MAP2: variants seen among roughly 807,000 people sequenced by gnomAD.
MAP2 encodes microtubule-associated protein 2.
Under a neutral mutation model 137.6 loss-of-function variants are expected in MAP2, and 14 were observed. The ratio of observed to expected loss-of-function variants is 0.10; its 90% CI spans 0.07 to 0.16. MAP2 has a LOEUF of 0.16. Ranked by LOEUF, MAP2 falls within the 10% of genes least tolerant of loss-of-function variation. The pLI, the probability that MAP2 is intolerant of heterozygous loss-of-function variation, is 1.00. For synonymous variants in MAP2, 786 were observed against 782.3 expected (o/e 1.00, Z -0.08); for missense variants, 2,088 against 2,191.5 (o/e 0.95, Z 0.94).
chr2:209,608,395 C>G (rs2085550291), intron 3 of MAP2, among the ~76,000 whole-genome samples: 1 of 152,070 alleles, frequency 6.6e-6, no homozygotes, highest in Non-Finnish European at 1.5e-5. Flanking sequence ...CTCAAGTATC[C>G]TCCCACCTCA....
chr2:209,581,306 G>A (rs2076361330), intron 3 of MAP2, among the ~76,000 whole-genome samples: 1 of 152,312 alleles, frequency 6.6e-6, no homozygotes, highest in African/African-American at 2.4e-5. Flanking sequence ...CTTCTAGAGT[G>A]TAGGCAGCAT....
At chr2:209,504,155 A>C (rs1228806978) in intron 1 of MAP2, among the ~76,000 whole-genome samples, 1 of 151,900 alleles carries the variant, frequency 6.6e-6, no homozygotes, top group Non-Finnish European at 1.5e-5. Flanking sequence ...TGGGGCTTCC[A>C]GTTGTGGGGA....
intron 1 of MAP2, among the ~76,000 whole-genome samples, chr2:209,425,490 A>C (rs1692310975): frequency 6.6e-6 from 1 of 152,242 alleles, no homozygotes; most frequent in Admixed American, 6.5e-5. Flanking sequence ...AAAACAAAAA[A>C]ATATTGTTGG....
chr2:209,698,282 A>G (rs946241025), intron 10 of MAP2, among the ~76,000 whole-genome samples: 5 of 152,200 alleles, frequency 3.3e-5, no homozygotes, highest in Non-Finnish European at 7.3e-5. Flanking sequence ...ACTTTTTTCT[A>G]AATTTCAGGG....
intron 1 of MAP2, among the ~76,000 whole-genome samples, chr2:209,477,482 A>G (rs750867122): frequency 6.6e-6 from 1 of 152,158 alleles, no homozygotes; most frequent in Non-Finnish European, 1.5e-5. Flanking sequence ...TGAAAGGTTC[A>G]TGCTATTCCT....
intron 5 of MAP2, among the ~76,000 whole-genome samples, chr2:209,678,090 C>T (rs1053487820): frequency 2.6e-5 from 4 of 151,536 alleles, no homozygotes; most frequent in African/African-American, 9.7e-5. Flanking sequence ...CAAAATGAAC[C>T]CTCTCTTCTA....
chr2:209,499,750 C>G (rs2060164025), intron 1 of MAP2, among the ~76,000 whole-genome samples: 1 of 151,934 alleles, frequency 6.6e-6, no homozygotes, highest in African/African-American at 2.4e-5. Context: ...AAAGCAGGAG[C>G]AAGCCAGAAA....
intron 2 of MAP2, among the ~76,000 whole-genome samples, chr2:209,527,358 T>C (rs1269135123): frequency 1.3e-5 from 2 of 152,152 alleles, no homozygotes; most frequent in African/African-American, 4.8e-5. Flanking sequence ...CACTGATGAG[T>C]CCCTAACATC....
chr2:209,709,944 G>A lies in MAP2; in HGVS notation c.4763G>A (p.Ser1588Asn). ...GAGCCAATTCGCAGAGCAGGGAAGA[G>A]TGGTACCTCAACACCCACTACCCCT... is the stretch of plus-strand genomic sequence containing the variant. ...RSEPIRRAGK[S>N]GTSTPTTPGS... The change falls in exon 13 of 16, where the codon AGT becomes AAT. Residue 1588 changes from serine to asparagine, a missense_variant. By Grantham distance (46) the Ser-to-Asn change is conservative (BLOSUM62 1). This residue lies in a region of MAP2 where 591 missense variants were observed against 642.6 expected (regional missense o/e 0.92). Coordinates refer to ENST00000682079, the MANE Select transcript of MAP2 (RefSeq NM_001375505.1). 1.2e-6 allele frequency: 2 copies of A among 1,613,838 alleles called. No individual in the cohort carries two copies. The highest frequency in any genetic ancestry group is 1.7e-6 in the Non-Finnish European group (2 of 1,179,916).
chr2:209,580,008 A>G (rs2076050662), intron 2 of MAP2, 28 bp from the exon 3 acceptor site: 1 of 150,692 alleles, frequency 6.6e-6, no homozygotes, highest in South Asian at 2.1e-4. Flanking sequence ...ATATATATAT[A>G]TATGTTTCTT....
intron 2 of MAP2, among the ~76,000 whole-genome samples, chr2:209,564,943 A>G (rs2153358119): frequency 6.6e-6 from 1 of 152,224 alleles, no homozygotes; most frequent in Middle Eastern, 3.4e-3. Context: ...ACAGCTGCAC[A>G]GGACAGCAAG....
At chr2:209,530,966 C>A (rs1248492699) in intron 2 of MAP2, among the ~76,000 whole-genome samples, 1 of 152,164 alleles carries the variant, frequency 6.6e-6, no homozygotes, top group Non-Finnish European at 1.5e-5. Context: ...CTCCATGTTA[C>A]AAACAGTATA....
chr2:209,601,768 G>A (rs115780573), intron 3 of MAP2, among the ~76,000 whole-genome samples: 150 of 152,204 alleles, frequency 9.9e-4, no homozygotes, highest in Non-Finnish European at 1.6e-3. Flanking sequence ...TGTGATATGC[G>A]ACATACAGAT....
At chr2:209,690,609 A>G in intron 7 of MAP2, 1 of 1,280,492 alleles carries the variant, frequency 7.8e-7, no homozygotes, top group South Asian at 1.3e-5. Flanking sequence ...TAAGAAGAAG[A>G]AACGCTAGAG....
chr2:209,729,420 C>G (rs545387105), intron 14 of MAP2, among the ~76,000 whole-genome samples: 2 of 152,264 alleles, frequency 1.3e-5, no homozygotes, highest in African/African-American at 4.8e-5. Context: ...GGATAAGTAA[C>G]CTGTTACCAT....
At chr2:209,478,369 CTA>C (rs1490569730) in intron 1 of MAP2, among the ~76,000 whole-genome samples, 1 of 152,128 alleles carries the variant, frequency 6.6e-6, no homozygotes, top group Non-Finnish European at 1.5e-5. Context: ...ATTTTAAAAA[CTA>C]TGTGAGTTAA....
rs1559159522 is a variant in MAP2 at position 209,435,998 on chromosome 2, T to TAATATATAGAGTATATATTATATATA, written c.-222+11723_-222+11724insATATATAGAGTATATATTATATATAA. ...AATATATACAGTATATATTATATAC[T>TAATATATAGAGTATATATTATATATA]ATATATACAGTATATATTATATATA... On this transcript the variant is annotated intron_variant, in intron 1 of 15. Transcript: ENST00000682079. Among the ~76,000 whole-genome samples, 6 of 88,806 alleles carry TAATATATAGAGTATATATTATATATA rather than the reference T, an allele frequency of 6.8e-5. 1 individual carries two copies. The highest frequency in any genetic ancestry group is 1.2e-4 in the Admixed American group (1 of 8,084). The allele number at this position is 88,806 out of a possible 152,430, so 58.3% of individuals were successfully genotyped here.
At chr2:209,600,630 T>C (rs1294811325) in intron 3 of MAP2, among the ~76,000 whole-genome samples, 3 of 152,202 alleles carry the variant, frequency 2.0e-5, no homozygotes, top group Non-Finnish European at 4.4e-5. Flanking sequence ...TTTTGTGCTT[T>C]CTGCCTCTAG....
At chr2:209,451,944 C>T (rs559345978) in intron 1 of MAP2, among the ~76,000 whole-genome samples, 4 of 152,204 alleles carry the variant, frequency 2.6e-5, no homozygotes, top group South Asian at 4.2e-4. Flanking sequence ...ATTTTAAAAT[C>T]GATGAATTTT....
Sources: allele counts gnomAD v4.1 joint callset (sites outside exome capture counted in the v4.1 genomes callset), GRCh38; gene constraint gnomAD v4.1.1; regional missense constraint gnomAD v4.1.1; transcripts MANE v1.5; gene names NCBI Gene and HGNC (gene_info 2026-07-23, HGNC 2026-07-21).